STAU2: variants seen among roughly 807,000 people sequenced by gnomAD.
STAU2 encodes the protein double-stranded RNA-binding protein Staufen homolog 2.
STAU2 carries 20 observed loss-of-function variants against 65.9 expected under a neutral mutation model. That is an observed-to-expected ratio of 0.30 (90% CI 0.21 to 0.44). STAU2 has a LOEUF of 0.44. STAU2 is among the 20% of genes least tolerant of loss of function. The pLI is 1.00. For missense variants in STAU2, 558 were observed against 683.9 expected (o/e 0.82, Z 2.05); for synonymous variants, 232 against 233.9 (o/e 0.99, Z 0.07).
chr8:73,443,138 T>G (rs1333647905), intron 13 of STAU2, among the ~76,000 whole-genome samples: 1 of 152,206 alleles, frequency 6.6e-6, no homozygotes, highest in Non-Finnish European at 1.5e-5. Context: ...GTAGGCATAT[T>G]GCGAATGTTT....
At chr8:73,669,007 C>G (rs1460170024) in intron 6 of STAU2, 1 of 698,990 alleles carries the variant, frequency 1.4e-6, no homozygotes, top group Non-Finnish European at 2.6e-6. Context: ...ACCTTTCATT[C>G]CCTGCCTTAA....
chr8:73,548,419 T>A (rs565448514), intron 13 of STAU2, among the ~76,000 whole-genome samples: 2 of 151,972 alleles, frequency 1.3e-5, no homozygotes, highest in Non-Finnish European at 1.5e-5. Context: ...CATCCCAATA[T>A]AACCTATACT....
At chr8:73,719,761 CT>C (rs1183636938) in intron 3 of STAU2, among the ~76,000 whole-genome samples, 1 of 152,152 alleles carries the variant, frequency 6.6e-6, no homozygotes, top group East Asian at 1.9e-4. Context: ...ATGAGACATA[CT>C]GGTCTGTAAT....
intron 10 of STAU2, among the ~76,000 whole-genome samples, chr8:73,598,989 A>G (rs1056709577): frequency 2.0e-5 from 3 of 152,260 alleles, no homozygotes; most frequent in East Asian, 3.8e-4. Context: ...AAAACCTCAT[A>G]AACAGAGCAA....
At chr8:73,746,200 A>G (rs1357276226) in intron 1 of STAU2, among the ~76,000 whole-genome samples, 2 of 151,792 alleles carry the variant, frequency 1.3e-5, no homozygotes, top group Non-Finnish European at 2.9e-5. Flanking sequence ...CCACTAGCCC[A>G]TTCTACAGAA....
intron 13 of STAU2, among the ~76,000 whole-genome samples, chr8:73,444,357 G>A (rs1424948791): frequency 2.0e-5 from 3 of 147,498 alleles, no homozygotes; most frequent in East Asian, 2.0e-4. Flanking sequence ...AGTGAGCCGA[G>A]ATCGCATCAT....
intron 12 of STAU2, among the ~76,000 whole-genome samples, chr8:73,574,965 C>T (rs569075760): frequency 1.3e-4 from 20 of 150,594 alleles, no homozygotes; most frequent in Non-Finnish European, 2.2e-4. Flanking sequence ...ATTTCAGAGT[C>T]GGAAAGGTAT....
chr8:73,499,235 C>T (rs1821603873), intron 13 of STAU2, among the ~76,000 whole-genome samples: 1 of 151,868 alleles, frequency 6.6e-6, no homozygotes, highest in East Asian at 1.9e-4. Flanking sequence ...CCCCCACCTA[C>T]TCTCTCAATA....
At chr8:73,510,492 T>C (rs1021929956) in intron 13 of STAU2, among the ~76,000 whole-genome samples, 1 of 152,216 alleles carries the variant, frequency 6.6e-6, no homozygotes, top group Non-Finnish European at 1.5e-5. Context: ...CAAGAACTAA[T>C]TTCAAAATAT....
At chr8:73,664,884 C>G (rs1035632621) in intron 6 of STAU2, among the ~76,000 whole-genome samples, 1 of 151,806 alleles carries the variant, frequency 6.6e-6, no homozygotes, top group East Asian at 1.9e-4. Flanking sequence ...CCCAGGTACT[C>G]GGGAAATTGA....
At chr8:73,451,343 G>A (rs1225806949) in intron 13 of STAU2, among the ~76,000 whole-genome samples, 4 of 152,056 alleles carry the variant, frequency 2.6e-5, no homozygotes, top group African/African-American at 4.8e-5. Flanking sequence ...TGAAGGAACA[G>A]TTCTCAGGAC....
intron 6 of STAU2, among the ~76,000 whole-genome samples, chr8:73,662,843 T>C (rs1169594224): frequency 6.6e-6 from 1 of 152,150 alleles, no homozygotes; most frequent in Non-Finnish European, 1.5e-5. Flanking sequence ...CTCGAACTCC[T>C]GACCTCAGGT....
In STAU2 at chr8:73,607,450, C is replaced by A. The variant is rs114773389; in HGVS notation, c.892-3587G>T. On this transcript the variant is annotated intron_variant, in intron 9 of 14. Coordinates refer to ENST00000524300, the MANE Select transcript of STAU2 (RefSeq NM_001164380.2). ...TATAACATAAAAGCAAAAATTCAGG[C>A]CGGGCGTGATGGCTCATGCCTGTAA... Among the ~76,000 whole-genome samples the A allele has an allele frequency of 6.1e-3, 924 of 152,112 alleles. 7 individuals are homozygous for A. Among genetic ancestry groups the A allele is most frequent in the African/African-American group, 0.021 (870 of 41,460 alleles).
intron 12 of STAU2, among the ~76,000 whole-genome samples, chr8:73,578,256 G>A (rs956763345): frequency 2.0e-5 from 3 of 151,992 alleles, no homozygotes; most frequent in Non-Finnish European, 4.4e-5. Context: ...TGTTATCTGT[G>A]CTAATCTGAT....
intron 3 of STAU2, among the ~76,000 whole-genome samples, chr8:73,737,179 GT>G (rs898058103): frequency 4.2e-5 from 6 of 143,176 alleles, no homozygotes; most frequent in African/African-American, 1.0e-4. Context: ...GATTACTTTT[GT>G]TTTTTTTTTG....
Position 73,592,446 on chromosome 8 carries a change from G to C in STAU2, c.1161+2720C>G, listed in dbSNP as rs184284181. 8.5e-5 allele frequency among the ~76,000 whole-genome samples: 13 copies of C among 152,084 alleles called. No homozygotes were observed. In the East Asian group the frequency reaches 2.5e-3, roughly 29 times the overall value. On this transcript the variant is annotated intron_variant, in intron 11 of 14. Transcript: ENST00000524300. ...AAAACTGCCAAAGTTCATTCAAGCA[G>C]AAGTAGGTAACCTAAGTAACCCTAT...
intron 6 of STAU2, among the ~76,000 whole-genome samples, chr8:73,630,639 T>A (rs1373504550): frequency 6.6e-6 from 1 of 152,198 alleles, no homozygotes; most frequent in Non-Finnish European, 1.5e-5. Flanking sequence ...AAAGAGTGGA[T>A]GTTGACATGA....
At chr8:73,571,346 A>T (rs1231219161) in intron 12 of STAU2, among the ~76,000 whole-genome samples, 1 of 152,206 alleles carries the variant, frequency 6.6e-6, no homozygotes, top group East Asian at 1.9e-4. Flanking sequence ...AACGAGACAG[A>T]AAGTTAACAC....
intron 4 of STAU2, among the ~76,000 whole-genome samples, 193 bp from the exon 5 acceptor site, chr8:73,689,006 T>C (rs919400909): frequency 1.3e-5 from 2 of 152,184 alleles, no homozygotes; most frequent in Non-Finnish European, 2.9e-5. Flanking sequence ...TTCTGTTCTA[T>C]CCTATCCAAA....
Sources: gnomAD v4.1 joint callset for allele counts (sites outside exome capture counted in the v4.1 genomes callset) on GRCh38, gnomAD v4.1.1 for gene constraint, MANE v1.5 for transcripts, NCBI Gene and HGNC (gene_info 2026-07-23, HGNC 2026-07-21) for gene names.